The following SDK1 variants were observed in gnomAD, a reference collection of about 807,000 sequenced individuals.
SDK1 encodes sidekick cell adhesion molecule 1, also known as protein sidekick-1.
Under a neutral mutation model 245.5 loss-of-function variants are expected in SDK1, and 157 were observed. That is an observed-to-expected ratio of 0.64 (90% CI 0.56 to 0.73). The LOEUF is 0.73. Ranked by LOEUF, SDK1 falls within the 30% of genes least tolerant of loss-of-function variation. The pLI, the probability that SDK1 is intolerant of heterozygous loss-of-function variation, is 0.00. For synonymous variants in SDK1, 1,647 were observed against 1,278.5 expected (o/e 1.29, Z -6.15); for missense variants, 3,583 against 3,002.3 (o/e 1.19, Z -4.52).
chr7:4,062,385 A>T (rs879279980), intron 19 of SDK1, among the ~76,000 whole-genome samples: 2 of 151,250 alleles, frequency 1.3e-5, no homozygotes, highest in Non-Finnish European at 2.9e-5. Context: ...TCCTGAACAC[A>T]TACAACCTAC....
At chr7:4,053,566 G>A (rs35303581) in intron 19 of SDK1, among the ~76,000 whole-genome samples, 36,705 of 151,928 alleles carry the variant, frequency 0.24, 6,560 homozygotes, top group African/African-American at 0.51. Flanking sequence ...TGGAGCTGCC[G>A]GGATGGCTCC....
At chr7:3,565,449 T>C (rs1331772216) in intron 1 of SDK1, among the ~76,000 whole-genome samples, 1 of 152,200 alleles carries the variant, frequency 6.6e-6, no homozygotes, top group East Asian at 1.9e-4. Flanking sequence ...TGATCAGTGC[T>C]ATCCAGGAAG....
intron 6 of SDK1, 120 bp downstream of exon 6, chr7:3,951,154 G>T: frequency 1.4e-6 from 1 of 730,468 alleles, no homozygotes; most frequent in Middle Eastern, 2.5e-4. Flanking sequence ...GTCTTGTTTG[G>T]CCGGGTGGGC....
intron 4 of SDK1, among the ~76,000 whole-genome samples, chr7:3,796,183 G>A (rs779394520): frequency 6.6e-6 from 1 of 152,206 alleles, no homozygotes; most frequent in Non-Finnish European, 1.5e-5. Flanking sequence ...AAATGAAAGG[G>A]AGAATTGAAT....
Position 3,501,010 on chromosome 7 carries a change from ACTTT to A in SDK1, c.299-118066_299-118063del, listed in dbSNP as rs1169831276. ...AGATTTTTTGAAGTTTTCTCTGCAT[ACTTT>A]CTTCTTTATTACTGTTTTGATTTCT... On this transcript the variant is annotated intron_variant, in intron 1 of 44. Transcript: ENST00000404826. 2.0e-5 allele frequency among the ~76,000 whole-genome samples: 3 copies of A among 152,004 alleles called. No homozygotes were observed. The East Asian group carries it at 5.8e-4, about 29-fold the overall frequency.
intron 1 of SDK1, among the ~76,000 whole-genome samples, chr7:3,333,677 G>A (rs1780126608): frequency 2.6e-5 from 4 of 152,110 alleles, no homozygotes; most frequent in Non-Finnish European, 4.4e-5. Context: ...TACCCATGTG[G>A]CTCAGCACTT....
In SDK1 at chr7:4,068,001, C is replaced by T; in HGVS notation, c.3010+65C>T. Reference sequence around the variant, plus strand: ...TGTCCTCACAAAAAGAAGTGGCTGTCACTTCAAACCAAACTGCTGACAGCA... The same window carrying T: ...TGTCCTCACAAAAAGAAGTGGCTGTTACTTCAAACCAAACTGCTGACAGCA... On this transcript the variant is annotated intron_variant, in intron 20 of 44. Transcript: ENST00000404826. The T allele has an allele frequency of 2.6e-6, 3 of 1,162,806 alleles. No individual in the cohort carries two copies. In the South Asian group the frequency reaches 4.0e-5, roughly 16 times the overall value. 72.0% of individuals were successfully genotyped at this position (1,162,806 alleles called of 1,614,324 possible).
chr7:3,515,803 C>G lies in SDK1; in HGVS notation c.299-103277C>G, dbSNP rs146535258. The stretch of plus-strand genomic sequence containing the variant: ...TTTAAAAATCCCAGTGGTACAGTCT[C>G]AAAGACATAAATCACCTTATTTTGA... On this transcript the variant is annotated intron_variant, in intron 1 of 44. Transcript: ENST00000404826. Among the ~76,000 whole-genome samples the G allele has an allele frequency of 4.4e-3, 669 of 152,216 alleles. 2 individuals are homozygous for G. The highest frequency in any genetic ancestry group is 0.014 in the African/African-American group (602 of 41,552).
At chr7:4,079,640 G>A in intron 22 of SDK1, 56 bp downstream of exon 22, 2 of 1,603,024 alleles carry the variant, frequency 1.2e-6, no homozygotes, top group East Asian at 2.2e-5. Flanking sequence ...GTTGGGGCCT[G>A]TGAATGAGTG....
chr7:3,598,393 T>C (rs753949954), intron 1 of SDK1, among the ~76,000 whole-genome samples: 11 of 152,242 alleles, frequency 7.2e-5, no homozygotes, highest in Admixed American at 5.2e-4. Context: ...TTAAGCTTTT[T>C]ATTTTTATTT....
intron 1 of SDK1, among the ~76,000 whole-genome samples, chr7:3,363,655 T>G (rs1202908580): frequency 1.3e-5 from 2 of 152,124 alleles, no homozygotes; most frequent in African/African-American, 2.4e-5. Flanking sequence ...CATCAGGCAT[T>G]AGGTTTTCAC....
intron 1 of SDK1, among the ~76,000 whole-genome samples, chr7:3,551,200 A>G (rs1479163651): frequency 2.0e-5 from 3 of 152,204 alleles, no homozygotes; most frequent in African/African-American, 7.2e-5. Flanking sequence ...GGGGCCCAAC[A>G]TCACACATCT....
chr7:3,663,843 C>G (rs1317708000), intron 4 of SDK1, among the ~76,000 whole-genome samples: 1 of 152,180 alleles, frequency 6.6e-6, no homozygotes, highest in Non-Finnish European at 1.5e-5. Flanking sequence ...CCTGTAAAGG[C>G]TAAGCAAGGC....
In SDK1 at chr7:4,026,035, G is replaced by A. The variant is rs1325712668; in HGVS notation, c.2602+8683G>A. On this transcript the variant is annotated intron_variant, in intron 17 of 44. Coordinates refer to ENST00000404826, the MANE Select transcript of SDK1 (RefSeq NM_152744.4). This position sits in a 1 kb window ranked among gnomAD's most constrained non-coding sequence, Gnocchi z 4.1. ...CCCAGAAGGCGCATGGGGAAATTAG[G>A]TCCACGAACGCGTCCCCAGCGTTGG... 6.6e-6 allele frequency among the ~76,000 whole-genome samples: 1 copy of A among 152,356 alleles called. No homozygotes were observed. Among genetic ancestry groups the A allele is most frequent in the East Asian group, 1.9e-4 (1 of 5,180 alleles).
At chr7:4,020,350 T>C (rs1358333769) in intron 17 of SDK1, among the ~76,000 whole-genome samples, 3 of 152,062 alleles carry the variant, frequency 2.0e-5, no homozygotes, top group African/African-American at 7.2e-5. Context: ...AATGCACTTA[T>C]CCCTCTGTGC....
chr7:3,567,626 C>A (rs920879927), intron 1 of SDK1, among the ~76,000 whole-genome samples: 10 of 152,156 alleles, frequency 6.6e-5, no homozygotes, highest in African/African-American at 2.2e-4. Flanking sequence ...TTTGGGTTAT[C>A]TGATCTGTTT....
At chr7:4,237,412 C>T (rs893439569) in intron 41 of SDK1, among the ~76,000 whole-genome samples, 18 of 151,998 alleles carry the variant, frequency 1.2e-4, no homozygotes, top group Admixed American at 6.6e-5. Flanking sequence ...CCTGATCCCA[C>T]AGAAAAGGTG....
intron 1 of SDK1, among the ~76,000 whole-genome samples, chr7:3,601,627 G>GT (rs558423403): frequency 2.0e-5 from 3 of 150,888 alleles, no homozygotes; most frequent in East Asian, 3.9e-4. Context: ...AGGTTTATCA[G>GT]TTTTTTTCTC....
At position 3,514,877 on chromosome 7, in the gene SDK1, C is replaced by T. The variant is rs181297808; in HGVS notation, c.299-104203C>T. ...CCCATCACGCGTGCATGCGTGCATG[C>T]GTGCGCTCTCTCTCTCTTTCTCTCT... On this transcript the variant is annotated intron_variant, in intron 1 of 44. Transcript: ENST00000404826. Among the ~76,000 whole-genome samples the T allele has an allele frequency of 5.9e-5, 9 of 152,286 alleles. No homozygotes were observed. In the East Asian group the frequency reaches 7.7e-4, roughly 13 times the overall value.
Sources: allele counts gnomAD v4.1 joint callset (sites outside exome capture counted in the v4.1 genomes callset), GRCh38; gene constraint gnomAD v4.1.1; non-coding constraint Gnocchi (gnomAD v3.1); transcripts MANE v1.5; gene names NCBI Gene and HGNC (gene_info 2026-07-23, HGNC 2026-07-21).